The following AMD1 variants were observed in gnomAD, a reference collection of about 807,000 sequenced individuals.
AMD1 encodes adenosylmethionine decarboxylase 1, also known as S-adenosylmethionine decarboxylase proenzyme.
Under a neutral mutation model 40.2 loss-of-function variants are expected in AMD1, and 11 were observed. The ratio of observed to expected loss-of-function variants is 0.27; its 90% CI spans 0.17 to 0.45. The LOEUF is 0.45. Ranked by LOEUF, AMD1 falls within the 20% of genes least tolerant of loss-of-function variation. AMD1 has a pLI of 1.00. For synonymous variants in AMD1, 121 were observed against 130.8 expected (o/e 0.93, Z 0.51); for missense variants, 257 against 410.2 (o/e 0.63, Z 3.23).
At chr6:110,833,159 T>C in the AMD1 span, among the ~76,000 whole-genome samples, 13 of 152,184 alleles carry the variant, frequency 8.5e-5, no homozygotes, top group African/African-American at 2.7e-4. Flanking sequence ...AATCACAGTA[T>C]AAAGGCAAAG....
At chr6:110,880,695 C>T (rs1227931022) in intron 1 of AMD1, among the ~76,000 whole-genome samples, 2 of 152,072 alleles carry the variant, frequency 1.3e-5, no homozygotes, top group Non-Finnish European at 2.9e-5. Flanking sequence ...TTGAGACACG[C>T]TTGTCTTGCT....
chr6:110,861,381 A>G, the AMD1 span, among the ~76,000 whole-genome samples: 2 of 142,184 alleles, frequency 1.4e-5, no homozygotes, highest in Admixed American at 7.0e-5. Context: ...AAAATTAGCC[A>G]GATGTAGTGG....
chr6:110,835,628 G>A, the AMD1 span, among the ~76,000 whole-genome samples: 2 of 152,092 alleles, frequency 1.3e-5, no homozygotes, highest in African/African-American at 2.4e-5. Flanking sequence ...CACTTTGGGA[G>A]GCCAAGGCGG....
the AMD1 span, among the ~76,000 whole-genome samples, chr6:110,846,824 C>T: frequency 3.3e-5 from 5 of 150,252 alleles, no homozygotes; most frequent in Non-Finnish European, 4.5e-5. Flanking sequence ...GAGCTGAGAT[C>T]GCGCCACTGC....
chr6:110,840,339 C>G, the AMD1 span, among the ~76,000 whole-genome samples: 11 of 151,976 alleles, frequency 7.2e-5, no homozygotes, highest in Non-Finnish European at 1.5e-4. Flanking sequence ...GCTCAGTCCC[C>G]AAGACCACCA....
rs200472120 is a variant in AMD1, at chr6:110,892,986, C to T, written c.785C>T (p.Thr262Ile). The T allele has an allele frequency of 1.2e-6, 2 of 1,613,984 alleles. No individual in the cohort carries two copies. Among genetic ancestry groups the T allele is most frequent in the East Asian group, 4.5e-5 (2 of 44,864 alleles). ...AGCTTTGAAACAAACTTAAGTCAGA[C>T]CTCCTATGATGACCTGATCAGGAAA... ...YVSFETNLSQ[T>I]SYDDLIRKVV... Residue 262 changes from threonine (T) to isoleucine (I), a missense_variant, in exon 8 of 9, where the codon ACC becomes ATC. By Grantham distance (89) the Thr-to-Ile change is moderately conservative. Around this residue, in one of 3 missense-constraint regions of AMD1, gnomAD observed 192 missense variants for 296.5 expected, o/e 0.65. Transcript: ENST00000368885.
the AMD1 span, chr6:110,814,832 C>G: frequency 1.2e-6 from 1 of 826,016 alleles, no homozygotes; most frequent in South Asian, 1.5e-5. Context: ...GACGGGGCCG[C>G]GCGGGGGAGG....
chr6:110,859,879 G>C, the AMD1 span, among the ~76,000 whole-genome samples: 1 of 152,104 alleles, frequency 6.6e-6, no homozygotes, highest in Non-Finnish European at 1.5e-5. Flanking sequence ...GCCCAGGCTG[G>C]AGTGCAGTGG....
chr6:110,817,928 C>T, the AMD1 span, among the ~76,000 whole-genome samples: 1 of 151,362 alleles, frequency 6.6e-6, no homozygotes, highest in Non-Finnish European at 1.5e-5. Flanking sequence ...AAGGACAAGT[C>T]GAAGAGCAAG....
At chr6:110,824,182 C>G in the AMD1 span, among the ~76,000 whole-genome samples, 2 of 152,128 alleles carry the variant, frequency 1.3e-5, no homozygotes, top group Non-Finnish European at 2.9e-5. Context: ...ACCCATCAAC[C>G]AACCAATGAA....
upstream of AMD1, among the ~76,000 whole-genome samples, chr6:110,874,487 C>T (rs1388507622): frequency 6.6e-6 from 1 of 151,482 alleles, no homozygotes; most frequent in Non-Finnish European, 1.5e-5. Context: ...CTCTGCACAG[C>T]CTTTCCTCAT....
the AMD1 span, among the ~76,000 whole-genome samples, chr6:110,836,965 G>A: frequency 1.3e-5 from 2 of 151,934 alleles, no homozygotes; most frequent in Non-Finnish European, 1.5e-5. Flanking sequence ...ACCAACCTGG[G>A]CAACATAATG....
upstream of AMD1, among the ~76,000 whole-genome samples, chr6:110,870,396 G>A (rs2115260168): frequency 6.6e-6 from 1 of 152,258 alleles, no homozygotes; most frequent in East Asian, 1.9e-4. Context: ...AGGTTGAGGT[G>A]GGCAGATCAT....
intron 4 of AMD1, chr6:110,891,590 C>G (rs942893562): frequency 6.5e-6 from 1 of 154,590 alleles, no homozygotes; most frequent in Non-Finnish European, 1.4e-5. Context: ...TGCACAAAGT[C>G]GCTCATAAGC....
the AMD1 span, among the ~76,000 whole-genome samples, chr6:110,840,527 G>A: frequency 6.6e-6 from 1 of 152,144 alleles, no homozygotes. Context: ...TACAGATGAA[G>A]AGATGCATAG....
At chr6:110,890,013 A>G (rs187960765) in intron 3 of AMD1, 135 of 375,870 alleles carry the variant, frequency 3.6e-4, no homozygotes, top group African/African-American at 2.2e-3. Flanking sequence ...TTTTAAAAAA[A>G]AGAGAGAGAG....
At chr6:110,863,225 A>G in the AMD1 span, among the ~76,000 whole-genome samples, 1 of 151,726 alleles carries the variant, frequency 6.6e-6, no homozygotes, top group South Asian at 2.1e-4. Flanking sequence ...GATTACAGGC[A>G]TGAGCCACCA....
chr6:110,816,685 T>C, the AMD1 span, among the ~76,000 whole-genome samples: 8 of 79,816 alleles, frequency 1.0e-4, 1 homozygote, highest in South Asian at 3.3e-3. Flanking sequence ...AAAGTCAACC[T>C]TTATTCACCT....
the AMD1 span, among the ~76,000 whole-genome samples, chr6:110,843,638 G>A: frequency 6.6e-6 from 1 of 152,080 alleles, no homozygotes; most frequent in East Asian, 1.9e-4. Context: ...CCAGGCTGGA[G>A]TGCAGTGGCG....
Sources: gnomAD v4.1 joint callset for allele counts (sites outside exome capture counted in the v4.1 genomes callset) on GRCh38, gnomAD v4.1.1 for gene constraint, gnomAD v4.1.1 regional missense constraint, MANE v1.5 for transcripts, NCBI Gene and HGNC (gene_info 2026-07-23, HGNC 2026-07-21) for gene names.